PTPN21: variants seen among roughly 807,000 people sequenced by gnomAD.
The protein encoded by PTPN21 is tyrosine-protein phosphatase non-receptor type 21.
In PTPN21, 77 loss-of-function variants were observed where a neutral mutation model predicts 131.8. The ratio of observed to expected loss-of-function variants is 0.58; its 90% CI spans 0.49 to 0.71. The LOEUF is 0.71. Among genes scored for constraint, PTPN21 ranks in the 30% least tolerant of loss-of-function variants. The probability of loss-of-function intolerance (pLI) is 0.00; values close to 1 mark genes in which losing one functional copy is unlikely to be tolerated. For missense variants in PTPN21, 1,552 were observed against 1,527.1 expected, an observed-to-expected ratio of 1.02 and a Z score of -0.27; for synonymous variants, 715 against 621.3, an observed-to-expected ratio of 1.15 and a Z score of -2.24.
At position 88,478,935 on chromosome 14, in the gene PTPN21, C is replaced by T. The variant is rs765080844; in HGVS notation, c.2496G>A (p.Gly832=). ...CGTGGCTTACCCCTAGAGGCGGGAG[C>T]CCTTCCACGATGTTCTTCTTCCCAG... ...LLSGKKNIVE[G]LPPLGGMKKT... The change falls in exon 13 of 19, where the codon GGG becomes GGA. Residue 832 remains glycine (G), a synonymous_variant. Transcript: ENST00000556564. 2.7e-6 allele frequency: 4 copies of T among 1,507,052 alleles called. No individual in the cohort carries two copies. The Admixed American group carries it at 6.3e-5, about 24-fold the overall frequency. 93.4% of individuals were successfully genotyped at this position (1,507,052 alleles called of 1,614,324 possible). A position where few individuals can be genotyped will look rare whatever the true frequency, so the allele number is the denominator to read the frequency against.
At chr14:88,472,554 T>C in intron 14 of PTPN21, 89 bp from the exon 15 acceptor site, 2 of 825,748 alleles carry the variant, frequency 2.4e-6, no homozygotes, top group Non-Finnish European at 1.9e-6. Context: ...GTTTTCTGCT[T>C]CAAATCTAGC....
intron 13 of PTPN21, among the ~76,000 whole-genome samples, chr14:88,478,221 A>C (rs1422727575): frequency 6.6e-6 from 1 of 152,228 alleles, no homozygotes; most frequent in Non-Finnish European, 1.5e-5. Flanking sequence ...ATTTTGCTTC[A>C]AAGTAGGTAA....
chr14:88,507,557 C>T (rs1325722353), intron 4 of PTPN21, among the ~76,000 whole-genome samples: 4 of 152,102 alleles, frequency 2.6e-5, no homozygotes, highest in Admixed American at 6.6e-5. Context: ...AAAAGGTACG[C>T]TAAAAATAGT....
chr14:88,479,340 A>G lies in PTPN21; in HGVS notation c.2091T>C (p.His697=). ...PEEAEGLRYG[H]KKSLSDATML... is the part of the protein sequence containing the mutation. ...TGGTGGCGTCCGACAGGGACTTCTT[A>G]TGGCCGTACCTCAAGCCCTCCGCCT... is the stretch of plus-strand genomic sequence containing the variant. The change falls in exon 13 of 19, where the codon CAT becomes CAC. Residue 697 remains histidine, a synonymous_variant. Coordinates refer to ENST00000556564, the MANE Select transcript of PTPN21 (RefSeq NM_007039.4). 1 of 1,613,026 alleles carries G rather than the reference A, an allele frequency of 6.2e-7. No homozygotes were observed. The highest frequency in any genetic ancestry group is 1.1e-5 in the South Asian group (1 of 91,072).
intron 15 of PTPN21, 42 bp from the exon 16 acceptor site, chr14:88,470,092 A>G (rs759184549): frequency 6.3e-7 from 1 of 1,593,748 alleles, no homozygotes; most frequent in Non-Finnish European, 8.6e-7. Flanking sequence ...TGTGGGTATA[A>G]TATACATAGG....
intron 4 of PTPN21, among the ~76,000 whole-genome samples, chr14:88,506,926 AT>A (rs1313354505): frequency 6.6e-6 from 1 of 151,960 alleles, no homozygotes; most frequent in Non-Finnish European, 1.5e-5. Flanking sequence ...GGTATCTGTA[AT>A]CCCAGGTACT....
intron 15 of PTPN21, among the ~76,000 whole-genome samples, chr14:88,471,490 T>C (rs1409858907): frequency 6.6e-6 from 1 of 152,118 alleles, no homozygotes; most frequent in Non-Finnish European, 1.5e-5. Context: ...CTGGGAAGAC[T>C]GGATATCCAT....
At chr14:88,503,303 G>A (rs1595376222) in intron 6 of PTPN21, among the ~76,000 whole-genome samples, 1 of 152,166 alleles carries the variant, frequency 6.6e-6, no homozygotes, top group Non-Finnish European at 1.5e-5. Context: ...CAAGTGCTGG[G>A]ATTACAGGTG....
In PTPN21 at chr14:88,469,213, C is replaced by CA; in HGVS notation, c.3236-138dup. On this transcript the variant is annotated intron_variant, in intron 17 of 18. Coordinates refer to ENST00000556564, the MANE Select transcript of PTPN21 (RefSeq NM_007039.4). This position sits in a 1 kb window ranked among gnomAD's most constrained non-coding sequence, Gnocchi z 4.3. ...TGGGTGCCAGTGAACCAAACCCAAC[C>CA]ACAAAGGGACAGTGTGACCCTGAGC... 1.1e-6 allele frequency: 1 copy of CA among 927,958 alleles called. No homozygotes were observed. Among genetic ancestry groups the CA allele is most frequent in the South Asian group, 1.8e-5 (1 of 57,118 alleles). 57.5% of individuals were successfully genotyped at this position (927,958 alleles called of 1,614,324 possible).
chr14:88,497,584 A>G (rs529984750), intron 8 of PTPN21, among the ~76,000 whole-genome samples: 1 of 151,996 alleles, frequency 6.6e-6, no homozygotes, highest in South Asian at 2.1e-4. Context: ...CCTGGCTAAC[A>G]TGGTGAAACC....
At chr14:88,528,498 T>C (rs2078511834) in intron 2 of PTPN21, among the ~76,000 whole-genome samples, 1 of 152,236 alleles carries the variant, frequency 6.6e-6, no homozygotes, top group Non-Finnish European at 1.5e-5. Flanking sequence ...TACCTGAATT[T>C]TGTATCCTAA....
chr14:88,540,889 C>T (rs1043672879), intron 2 of PTPN21, among the ~76,000 whole-genome samples: 6 of 152,106 alleles, frequency 3.9e-5, no homozygotes, highest in African/African-American at 1.2e-4. Context: ...TGGTGAACTC[C>T]TGGACTGAAG....
Position 88,473,783 on chromosome 14 carries a change from A to C in PTPN21, c.2531T>G (p.Val844Gly), listed in dbSNP as rs752269385. 1 of 1,607,958 alleles carries C rather than the reference A, an allele frequency of 6.2e-7. No individual in the cohort carries two copies. The highest frequency in any genetic ancestry group is 1.1e-5 in the South Asian group (1 of 89,746). ...AAGAGGACCAATTTTTTTTGCATCT[A>C]CTCGAGTCTTTTTCATTCCCTGTAA... is the stretch of plus-strand genomic sequence containing the variant. ...PPLGGMKKTR[V>G]DAKKIGPLKL... The change falls in exon 14 of 19, where the codon GTA becomes GGA. Residue 844 changes from valine (V) to glycine (G), a missense_variant. Transcript: ENST00000556564.
At position 88,505,290 on chromosome 14, in the gene PTPN21, A is replaced by G; in HGVS notation, c.516+14T>C. 6.3e-7 allele frequency: 1 copy of G among 1,578,358 alleles called. No individual in the cohort carries two copies. ...TGTTTCTTTTAAAAGGCCCAGTGTC[A>G]AAAGAAGTCTTACCACAGGAAACAA... On this transcript the variant is annotated intron_variant, in intron 5 of 18. Coordinates refer to ENST00000556564, the MANE Select transcript of PTPN21 (RefSeq NM_007039.4).
rs139615065 is a variant in PTPN21, at chr14:88,485,111, T to C, written c.1043A>G (p.Asn348Ser). 3 of 1,609,116 alleles carry C rather than the reference T, an allele frequency of 1.9e-6. No homozygotes were observed. The highest frequency in any genetic ancestry group is 2.2e-5 in the South Asian group (2 of 90,702). Residue 348 changes from asparagine to serine, a missense_variant, in exon 12 of 19, where the codon AAT (asparagine) becomes AGT (serine). This residue lies in a region of PTPN21 where 1,016 missense variants were observed against 883.5 expected (regional missense o/e 1.15). Coordinates refer to ENST00000556564, the MANE Select transcript of PTPN21 (RefSeq NM_007039.4). ...AGCATATGGTTCTGTATAATGTCCA[T>C]TATAGTGCAACTGCGGTGGGGGAGG... ...VMPPPPQLHY[N>S]GHYTEPYASS...
intron 10 of PTPN21, among the ~76,000 whole-genome samples, chr14:88,487,105 A>G (rs2077748681): frequency 6.6e-6 from 1 of 152,178 alleles, no homozygotes; most frequent in African/African-American, 2.4e-5. Flanking sequence ...AGGTAAAAAA[A>G]GGAAACAGAC....
At position 88,484,891 on chromosome 14, in the gene PTPN21, A is replaced by AC. The variant is rs1555384313; in HGVS notation, c.1078+184_1078+185insG. 7.3e-3 allele frequency among the ~76,000 whole-genome samples: 1,106 copies of AC among 152,014 alleles called. 8 individuals are homozygous for AC. The highest frequency in any genetic ancestry group is 9.7e-3 in the African/African-American group (402 of 41,426). On this transcript the variant is annotated intron_variant, in intron 12 of 18. Coordinates refer to ENST00000556564, the MANE Select transcript of PTPN21 (RefSeq NM_007039.4). The stretch of plus-strand genomic sequence containing the variant: ...GACACATTGAGACTCTGTCTCCAAA[A>AC]AAACAAACAAACAAACAAAAAACAA...
At chr14:88,471,428 T>G (rs1422486441) in intron 15 of PTPN21, among the ~76,000 whole-genome samples, 1 of 152,174 alleles carries the variant, frequency 6.6e-6, no homozygotes, top group Non-Finnish European at 1.5e-5. Context: ...TTACCCCAGA[T>G]AAGGTGCCAA....
At chr14:88,521,323 G>A (rs1194384678) in intron 2 of PTPN21, among the ~76,000 whole-genome samples, 1 of 151,978 alleles carries the variant, frequency 6.6e-6, no homozygotes, top group African/African-American at 2.4e-5. Flanking sequence ...ACAAGTTTTG[G>A]ACTGAATGTA....
Sources: gnomAD v4.1 joint callset for allele counts (sites outside exome capture counted in the v4.1 genomes callset) on GRCh38, gnomAD v4.1.1 for gene constraint, gnomAD v4.1.1 regional missense constraint, Gnocchi (gnomAD v3.1) non-coding constraint, MANE v1.5 for transcripts, NCBI Gene and HGNC (gene_info 2026-07-23, HGNC 2026-07-21) for gene names.